SLC4A4: variants seen among roughly 807,000 people sequenced by gnomAD.
SLC4A4 encodes solute carrier family 4 member 4.
A neutral mutation model predicts 111.5 loss-of-function variants in SLC4A4; 27 were observed. The observed-to-expected ratio is 0.24, with a 90% CI of 0.18 to 0.33. SLC4A4 has a LOEUF of 0.33. Among genes scored for constraint, SLC4A4 ranks in the 10% least tolerant of loss-of-function variants. The probability of loss-of-function intolerance (pLI) is 1.00; values close to 1 mark genes in which losing one functional copy is unlikely to be tolerated. For synonymous variants in SLC4A4, 443 were observed against 463.4 expected (o/e 0.96, Z 0.57); for missense variants, 909 against 1,315.5 (o/e 0.69, Z 4.78).
intron 7 of SLC4A4, among the ~76,000 whole-genome samples, chr4:71,410,173 A>G (rs1721243379): frequency 6.6e-6 from 1 of 152,150 alleles, no homozygotes; most frequent in African/African-American, 2.4e-5. Context: ...CTGAGTCCCT[A>G]CTGAAGCACT....
At chr4:71,461,317 C>T (rs1726800314) in intron 12 of SLC4A4, among the ~76,000 whole-genome samples, 1 of 152,004 alleles carries the variant, frequency 6.6e-6, no homozygotes, top group East Asian at 1.9e-4. Context: ...TTTTTGTTTT[C>T]CTAGGCTGTT....
At chr4:71,120,655 G>T (rs1029273989) in intron 2 of SLC4A4, among the ~76,000 whole-genome samples, 1 of 152,184 alleles carries the variant, frequency 6.6e-6, no homozygotes, top group African/African-American at 2.4e-5. Flanking sequence ...ATCTCCTGAG[G>T]TCAGAAGTTC....
intron 7 of SLC4A4, among the ~76,000 whole-genome samples, chr4:71,412,061 A>G (rs974123248): frequency 2.0e-4 from 30 of 152,244 alleles, no homozygotes; most frequent in African/African-American, 7.0e-4. Context: ...AGATTTACAA[A>G]TACACAAAAC....
chr4:71,119,679 T>C (rs1213954860), intron 2 of SLC4A4, among the ~76,000 whole-genome samples: 1 of 152,262 alleles, frequency 6.6e-6, no homozygotes, highest in Non-Finnish European at 1.5e-5. Context: ...GGCTTGAATC[T>C]GGCTTGAAAT....
intron 1 of SLC4A4, among the ~76,000 whole-genome samples, chr4:71,065,901 T>C (rs1420208707): frequency 6.6e-6 from 1 of 152,194 alleles, no homozygotes; most frequent in Admixed American, 6.6e-5. Context: ...AATTATATTG[T>C]AATTGCCTAT....
chr4:71,186,969 T>C (rs77866273), upstream of SLC4A4: 11,003 of 152,578 alleles, frequency 0.072, 1,321 homozygotes, highest in African/African-American at 0.25. Flanking sequence ...CCACACAGGC[T>C]GTGTAGACAT....
At chr4:71,554,805 G>C (rs543062015) in intron 20 of SLC4A4, among the ~76,000 whole-genome samples, 44 of 151,782 alleles carry the variant, frequency 2.9e-4, no homozygotes, top group African/African-American at 9.9e-4. Context: ...GTCCATAGAA[G>C]CATCTTGTTT....
intron 2 of SLC4A4, among the ~76,000 whole-genome samples, chr4:71,156,645 T>C (rs1036880663): frequency 6.6e-6 from 1 of 151,324 alleles, no homozygotes; most frequent in Non-Finnish European, 1.5e-5. Context: ...GCAGCTTATA[T>C]AGAAATACCA....
At chr4:71,166,032 T>A (rs1004134448) in intron 2 of SLC4A4, among the ~76,000 whole-genome samples, 2 of 152,108 alleles carry the variant, frequency 1.3e-5, no homozygotes, top group Admixed American at 1.3e-4. Flanking sequence ...AGTTGTTTTG[T>A]CCATAAAAAG....
intron 16 of SLC4A4, among the ~76,000 whole-genome samples, chr4:71,505,213 T>C (rs1321322389): frequency 6.6e-6 from 1 of 152,124 alleles, no homozygotes; most frequent in East Asian, 1.9e-4. Context: ...GTCTTTATAA[T>C]TGAACAATTT....
At position 71,483,448 on chromosome 4, in the gene SLC4A4, G is replaced by C. The variant is rs372785375; in HGVS notation, c.1904-3500G>C. ...TATTTGGTTTTCTGTTCCTGCATTC[G>C]TTTGCTAAGGATAATGGCCTCCAGT... On this transcript the variant is annotated intron_variant, in intron 14 of 25. Transcript: ENST00000264485. 2.0e-5 allele frequency among the ~76,000 whole-genome samples: 3 copies of C among 151,864 alleles called. No homozygotes were observed. In the East Asian group the frequency reaches 5.8e-4, roughly 30 times the overall value.
intron 16 of SLC4A4, among the ~76,000 whole-genome samples, chr4:71,503,051 C>T (rs184503834): frequency 1.3e-4 from 20 of 152,028 alleles, no homozygotes; most frequent in East Asian, 5.8e-4. Context: ...TTTATTGAAT[C>T]GATTCTTTTA....
intron 3 of SLC4A4, among the ~76,000 whole-genome samples, chr4:71,333,969 G>T (rs1277583170): frequency 6.6e-6 from 1 of 152,126 alleles, no homozygotes; most frequent in East Asian, 1.9e-4. Flanking sequence ...CGAAGGCCTG[G>T]AATTGGGGAT....
intron 3 of SLC4A4, among the ~76,000 whole-genome samples, chr4:71,301,722 C>T (rs1305118701): frequency 6.6e-6 from 1 of 152,216 alleles, no homozygotes. Flanking sequence ...CCTTGCAAAG[C>T]CCAATACAGC....
chr4:71,557,741 G>A lies in SLC4A4; in HGVS notation c.2793G>A (p.Met931Ile). Residue 931 changes from methionine to isoleucine, a missense_variant, in exon 22 of 26, where the codon ATG (methionine) becomes ATA (isoleucine). Physicochemically the swap from Met to Ile is conservative, Grantham distance 10 (BLOSUM62 1). Coordinates refer to ENST00000264485, the MANE Select transcript of SLC4A4 (RefSeq NM_001098484.3). ...TGGATCGTCTGAAGCTGCTTCTGAT[G>A]CCTCTGAAGCATCAGCCTGACTTCA... The part of the protein sequence containing the change: ...QFMDRLKLLL[M>I]PLKHQPDFIY... 1 of 1,612,740 alleles carries A rather than the reference G, an allele frequency of 6.2e-7. No homozygotes were observed. Among genetic ancestry groups the A allele is most frequent in the South Asian group, 1.1e-5 (1 of 91,068 alleles).
At chr4:71,492,238 C>T (rs1287349883) in intron 15 of SLC4A4, among the ~76,000 whole-genome samples, 3 of 151,776 alleles carry the variant, frequency 2.0e-5, no homozygotes, top group Non-Finnish European at 4.4e-5. Flanking sequence ...GCCCCATATA[C>T]GCATCACCTA....
At position 71,335,196 on chromosome 4, in the gene SLC4A4, C is replaced by T. The variant is rs554469819; in HGVS notation, c.254-4174C>T. Among the ~76,000 whole-genome samples, 5 of 152,232 alleles carry T rather than the reference C, an allele frequency of 3.3e-5. No individual in the cohort carries two copies. In the South Asian group the frequency reaches 1.0e-3, roughly 32 times the overall value. On this transcript the variant is annotated intron_variant, in intron 3 of 25. Transcript: ENST00000264485. Reference sequence around the variant, plus strand: ...AATTTACCTATATAGCAAACCTGCACATGTACGCCTATATCTAAAATAAAA... The same window carrying T: ...AATTTACCTATATAGCAAACCTGCATATGTACGCCTATATCTAAAATAAAA...
chr4:71,385,191 A>ATATATATATAT (rs56949097), intron 6 of SLC4A4, among the ~76,000 whole-genome samples: 2 of 11,902 alleles, frequency 1.7e-4, no homozygotes, highest in African/African-American at 2.5e-4. Context: ...ATATATATAT[A>ATATATATATAT]TTTTTTTTTT....
intron 4 of SLC4A4, among the ~76,000 whole-genome samples, chr4:71,340,098 C>T (rs190630277): frequency 6.6e-6 from 1 of 151,902 alleles, no homozygotes; most frequent in East Asian, 1.9e-4. Flanking sequence ...GTGGTGCATG[C>T]CTGTGGTCCC....
Sources: allele counts gnomAD v4.1 joint callset (sites outside exome capture counted in the v4.1 genomes callset), GRCh38; gene constraint gnomAD v4.1.1; transcripts MANE v1.5; gene names NCBI Gene and HGNC (gene_info 2026-07-23, HGNC 2026-07-21).